PKHD1: variants seen among roughly 807,000 people sequenced by gnomAD.
The protein encoded by PKHD1 is PKHD1 ciliary IPT domain containing fibrocystin/polyductin.
A neutral mutation model predicts 412.0 loss-of-function variants in PKHD1; 291 were observed. That is an observed-to-expected ratio of 0.71 (90% CI 0.64 to 0.78). The LOEUF is 0.78. PKHD1 is among the 30% of genes least tolerant of loss of function. The probability of loss-of-function intolerance (pLI) is 0.00; values close to 1 mark genes in which losing one functional copy is unlikely to be tolerated. For synonymous variants in PKHD1, 1,777 were observed against 1,821.5 expected (o/e 0.98, Z 0.62); for missense variants, 4,825 against 4,950.7 (o/e 0.97, Z 0.76).
chr6:51,948,008 G>A (rs1252880236), intron 36 of PKHD1, among the ~76,000 whole-genome samples: 1 of 151,972 alleles, frequency 6.6e-6, no homozygotes, highest in South Asian at 2.1e-4. Context: ...AACTTTCACT[G>A]TCTCTCACTC....
chr6:52,081,480 ACTG>A (rs1812017417), intron 4 of PKHD1, among the ~76,000 whole-genome samples: 1 of 152,190 alleles, frequency 6.6e-6, no homozygotes. Flanking sequence ...CAAGTGGGTA[ACTG>A]ACATATAAGT....
At chr6:51,940,724 GAA>G (rs1203635811) in intron 36 of PKHD1, among the ~76,000 whole-genome samples, 1 of 151,558 alleles carries the variant, frequency 6.6e-6, no homozygotes, top group Non-Finnish European at 1.5e-5. Flanking sequence ...TCTCACAGTG[GAA>G]GGTAAGTCCG....
chr6:52,057,749 A>G (rs955307094), intron 16 of PKHD1, among the ~76,000 whole-genome samples: 1 of 152,014 alleles, frequency 6.6e-6, no homozygotes, highest in East Asian at 1.9e-4. Context: ...GTTACTTTCT[A>G]CTTTGTTCTA....
At chr6:51,823,063 TTAAG>T (rs1703624176) in intron 52 of PKHD1, among the ~76,000 whole-genome samples, 1 of 151,036 alleles carries the variant, frequency 6.6e-6, no homozygotes, top group Non-Finnish European at 1.5e-5. Flanking sequence ...TTTGTACAGG[TTAAG>T]TAAGAGAAAG....
At chr6:51,952,872 A>G (rs554652384) in intron 36 of PKHD1, among the ~76,000 whole-genome samples, 3 of 152,158 alleles carry the variant, frequency 2.0e-5, no homozygotes, top group Non-Finnish European at 4.4e-5. Context: ...ACTCATTCCT[A>G]TACTGCTCTT....
chr6:51,899,625 C>G (rs968916648), intron 43 of PKHD1, among the ~76,000 whole-genome samples: 5 of 151,176 alleles, frequency 3.3e-5, no homozygotes, highest in Admixed American at 2.6e-4. Context: ...GATGCCCTCT[C>G]TCACCACTCC....
At position 52,025,490 on chromosome 6, in the gene PKHD1, G is replaced by C; in HGVS notation, c.4320C>G (p.Thr1440=). The change falls in exon 32 of 67, where the codon ACC becomes ACG. Residue 1440 remains threonine (T), a synonymous_variant. Transcript: ENST00000371117. ...TCVILSLGDH[T]ILCQVSLEGD... is the part of the protein sequence containing the mutation. ...CCTCCAGGCTAACCTGGCAGAGAATGGTGTGGTCTCCCAAACTCAAAATCA... is the reference window on the plus strand; with the variant it reads ...CCTCCAGGCTAACCTGGCAGAGAATCGTGTGGTCTCCCAAACTCAAAATCA... The C allele has an allele frequency of 6.2e-7, 1 of 1,613,102 alleles. No homozygotes were observed. Among genetic ancestry groups the C allele is most frequent in the Non-Finnish European group, 8.5e-7 (1 of 1,179,206 alleles).
chr6:51,836,795 A>G (rs894410010), intron 50 of PKHD1, among the ~76,000 whole-genome samples: 1 of 152,114 alleles, frequency 6.6e-6, no homozygotes, highest in Admixed American at 6.5e-5. Context: ...CTCATATCCT[A>G]TTTTCTCTTC....
intron 60 of PKHD1, among the ~76,000 whole-genome samples, chr6:51,692,166 A>T (rs893507195): frequency 3.3e-5 from 5 of 151,962 alleles, no homozygotes; most frequent in African/African-American, 7.3e-5. Context: ...TCCCATGTTC[A>T]CATTGAAAAT....
intron 54 of PKHD1, 121 bp downstream of exon 54, chr6:51,775,687 T>A (rs1471260872): frequency 8.0e-6 from 5 of 628,484 alleles, no homozygotes. Flanking sequence ...AAATATAAAT[T>A]GCCTAAAAGG....
chr6:51,906,110 G>A (rs1782037367), intron 41 of PKHD1, 105 bp downstream of exon 41: 5 of 955,064 alleles, frequency 5.2e-6, no homozygotes, highest in South Asian at 2.6e-5. Context: ...TGATCATAAA[G>A]CCAATATTTT....
chr6:51,671,092 C>T (rs1052055972), intron 60 of PKHD1, among the ~76,000 whole-genome samples: 2 of 152,106 alleles, frequency 1.3e-5, no homozygotes, highest in African/African-American at 2.4e-5. Context: ...TGAATGTTGG[C>T]CTGCCTTGCT....
At chr6:51,733,925 AG>A (rs1291202898) in intron 60 of PKHD1, among the ~76,000 whole-genome samples, 1 of 152,204 alleles carries the variant, frequency 6.6e-6, no homozygotes, top group Non-Finnish European at 1.5e-5. Flanking sequence ...TGAAAGGTAA[AG>A]GGCACGTATG....
intron 63 of PKHD1, among the ~76,000 whole-genome samples, chr6:51,645,636 C>T (rs537873707): frequency 1.3e-5 from 2 of 152,284 alleles, no homozygotes; most frequent in African/African-American, 4.8e-5. Context: ...TCAAGTGATC[C>T]AGCCACCTTA....
chr6:51,969,844 GA>G (rs1793401121), intron 35 of PKHD1, among the ~76,000 whole-genome samples: 1 of 152,048 alleles, frequency 6.6e-6, no homozygotes, highest in Non-Finnish European at 1.5e-5. Context: ...TTTGTCATTG[GA>G]AACTTAGGTT....
chr6:51,785,362 A>G (rs768424086), intron 53 of PKHD1, among the ~76,000 whole-genome samples: 11 of 152,204 alleles, frequency 7.2e-5, no homozygotes, highest in Non-Finnish European at 1.5e-4. Context: ...ATGAAATTCA[A>G]TATGTTCAAT....
intron 60 of PKHD1, chr6:51,721,927 A>G: frequency 6.2e-7 from 1 of 1,612,166 alleles, no homozygotes; most frequent in East Asian, 2.2e-5. Flanking sequence ...CCCATTCTTC[A>G]CCCTGCTTCC....
chr6:52,083,111 G>T, intron 3 of PKHD1, 67 bp downstream of exon 3: 1 of 1,083,596 alleles, frequency 9.2e-7, no homozygotes, highest in South Asian at 1.2e-5. Context: ...GAAAACCAAA[G>T]ACTCATAGTC....
At chr6:51,677,162 C>G (rs1299678313) in intron 60 of PKHD1, among the ~76,000 whole-genome samples, 1 of 152,076 alleles carries the variant, frequency 6.6e-6, no homozygotes, top group East Asian at 1.9e-4. Flanking sequence ...ATATGAGAAA[C>G]TTAAAGTTCA....
Sources: allele counts gnomAD v4.1 joint callset (sites outside exome capture counted in the v4.1 genomes callset), GRCh38; gene constraint gnomAD v4.1.1; transcripts MANE v1.5; gene names NCBI Gene and HGNC (gene_info 2026-07-23, HGNC 2026-07-21).